ERCC6L2: variants seen among roughly 807,000 people sequenced by gnomAD.
The protein encoded by ERCC6L2 is DNA excision repair protein ERCC-6-like 2.
Under a neutral mutation model 132.0 loss-of-function variants are expected in ERCC6L2, and 77 were observed. That is an observed-to-expected ratio of 0.58 (90% CI 0.49 to 0.71). The LOEUF (loss-of-function observed/expected upper bound fraction) is 0.71, where lower values mean the gene tolerates loss of function less well. Ranked by LOEUF, ERCC6L2 falls within the 30% of genes least tolerant of loss-of-function variation. The probability of loss-of-function intolerance (pLI) is 0.00; values close to 1 mark genes in which losing one functional copy is unlikely to be tolerated. For synonymous variants in ERCC6L2, 583 were observed against 632.4 expected, an observed-to-expected ratio of 0.92 and a Z score of 1.17; for missense variants, 1,542 against 1,837.6, an observed-to-expected ratio of 0.84 and a Z score of 2.94.
intron 7 of ERCC6L2, among the ~76,000 whole-genome samples, 178 bp from the exon 8 acceptor site, chr9:95,922,127 A>T (rs1169659480): frequency 3.3e-5 from 5 of 152,218 alleles, no homozygotes; most frequent in African/African-American, 1.2e-4. Flanking sequence ...TACCAAAAGT[A>T]TGCTTCCACA....
At chr9:96,036,928 G>A (rs551874274) in intron 19 of ERCC6L2, among the ~76,000 whole-genome samples, 60 of 150,496 alleles carry the variant, frequency 4.0e-4, no homozygotes, top group African/African-American at 1.3e-3. Flanking sequence ...CACTACGCCC[G>A]GCTAATTTTT....
chr9:96,026,683 ACAC>A (rs200414043), intron 19 of ERCC6L2, among the ~76,000 whole-genome samples: 4,843 of 146,654 alleles, frequency 0.033, 97 homozygotes, highest in East Asian at 0.13. Flanking sequence ...CACACCACAC[ACAC>A]CACACTACAC....
chr9:95,973,539 A>G (rs1564277872), intron 16 of ERCC6L2, among the ~76,000 whole-genome samples: 1 of 152,166 alleles, frequency 6.6e-6, no homozygotes, highest in Non-Finnish European at 1.5e-5. Flanking sequence ...AGTGAGGAGC[A>G]AGTCATGTCT....
At chr9:95,969,012 C>T (rs563189892) in intron 14 of ERCC6L2, among the ~76,000 whole-genome samples, 3 of 152,234 alleles carry the variant, frequency 2.0e-5, no homozygotes, top group Non-Finnish European at 4.4e-5. Context: ...AGCCCTCACT[C>T]TGAAGGCTGC....
At chr9:95,897,416 C>G (rs887710688) in intron 2 of ERCC6L2, among the ~76,000 whole-genome samples, 1 of 152,034 alleles carries the variant, frequency 6.6e-6, no homozygotes, top group African/African-American at 2.4e-5. Flanking sequence ...TCCATTTCAC[C>G]TATATTTATT....
chr9:95,902,201 G>A (rs1432559187), intron 3 of ERCC6L2, among the ~76,000 whole-genome samples: 1 of 152,094 alleles, frequency 6.6e-6, no homozygotes, highest in African/African-American at 2.4e-5. Context: ...AATTCTTAAA[G>A]GAAAAGACAC....
intron 18 of ERCC6L2, among the ~76,000 whole-genome samples, chr9:96,008,540 T>C (rs982687608): frequency 7.2e-5 from 11 of 152,230 alleles, no homozygotes; most frequent in Non-Finnish European, 1.5e-4. Context: ...TGTTTCTCAA[T>C]GAGTCGTCCT....
intron 17 of ERCC6L2, among the ~76,000 whole-genome samples, chr9:96,004,221 T>C (rs755177134): frequency 6.6e-6 from 1 of 152,252 alleles, no homozygotes; most frequent in Non-Finnish European, 1.5e-5. Context: ...TAATCATTAA[T>C]TTTTATCCTT....
chr9:95,983,030 T>G (rs1832952954), intron 17 of ERCC6L2, among the ~76,000 whole-genome samples: 2 of 152,302 alleles, frequency 1.3e-5, no homozygotes, highest in East Asian at 3.9e-4. Context: ...AGAAAGGCAT[T>G]GAAATTACTC....
intron 12 of ERCC6L2, among the ~76,000 whole-genome samples, chr9:95,954,409 G>A (rs151037057): frequency 2.0e-4 from 30 of 152,248 alleles, no homozygotes; most frequent in African/African-American, 7.0e-4. Context: ...CTGAATAAAT[G>A]GCATTCCTTT....
At chr9:95,954,560 GGAT>G (rs1831504054) in intron 12 of ERCC6L2, among the ~76,000 whole-genome samples, 1 of 152,268 alleles carries the variant, frequency 6.6e-6, no homozygotes, top group African/African-American at 2.4e-5. Context: ...CTTGCTTTAT[GGAT>G]CAAGAAATGA....
At chr9:95,888,417 T>A (rs1449132302) in intron 2 of ERCC6L2, among the ~76,000 whole-genome samples, 1 of 152,224 alleles carries the variant, frequency 6.6e-6, no homozygotes, top group Non-Finnish European at 1.5e-5. Context: ...GTTTTTGGCC[T>A]TTCACTATTC....
At chr9:95,955,403 T>C (rs904949202) in intron 12 of ERCC6L2, among the ~76,000 whole-genome samples, 1 of 148,778 alleles carries the variant, frequency 6.7e-6, no homozygotes, top group South Asian at 2.1e-4. Flanking sequence ...TTTTGACTTA[T>C]GTACATGTAA....
intron 14 of ERCC6L2, 43 bp from the exon 15 acceptor site, chr9:95,970,531 CCT>C (rs773416549): frequency 1.0e-5 from 12 of 1,185,082 alleles, no homozygotes; most frequent in Non-Finnish European, 1.0e-5. Flanking sequence ...GTTGCTACCC[CCT>C]GTGTTGCATA....
chr9:96,005,850 G>T (rs1166798008), intron 18 of ERCC6L2, among the ~76,000 whole-genome samples: 1 of 152,206 alleles, frequency 6.6e-6, no homozygotes, highest in Admixed American at 6.5e-5. Context: ...AAGGAACTCG[G>T]TGATGGGGGT....
At chr9:95,926,372 A>G (rs1216055937) in intron 9 of ERCC6L2, among the ~76,000 whole-genome samples, 2 of 152,192 alleles carry the variant, frequency 1.3e-5, no homozygotes, top group Non-Finnish European at 2.9e-5. Context: ...CTTGGAAACA[A>G]CTAAGATGTC....
intron 6 of ERCC6L2, among the ~76,000 whole-genome samples, chr9:95,919,877 G>A (rs567275633): frequency 7.0e-4 from 107 of 152,314 alleles, no homozygotes; most frequent in African/African-American, 2.5e-3. Flanking sequence ...CCACACCAGA[G>A]GAATTAATCG....
chr9:96,033,124 G>A (rs1425178199), intron 19 of ERCC6L2, among the ~76,000 whole-genome samples: 1 of 152,166 alleles, frequency 6.6e-6, no homozygotes, highest in Non-Finnish European at 1.5e-5. Flanking sequence ...AAACCTGCCA[G>A]TCACCAGTCA....
chr9:96,020,475 G>A (rs927784171), downstream of ERCC6L2: 35 of 320,084 alleles, frequency 1.1e-4, 1 homozygote, highest in South Asian at 6.5e-4. Context: ...AGGGCAAACC[G>A]AATCGGCCCC....
Sources: gnomAD v4.1 joint callset for allele counts (sites outside exome capture counted in the v4.1 genomes callset) on GRCh38, gnomAD v4.1.1 for gene constraint, MANE v1.5 for transcripts, NCBI Gene and HGNC (gene_info 2026-07-23, HGNC 2026-07-21) for gene names.